BCKDHB: variants seen among roughly 807,000 people sequenced by gnomAD.
BCKDHB encodes the protein branched chain keto acid dehydrogenase E1 subunit beta, also known as 2-oxoisovalerate dehydrogenase subunit beta, mitochondrial.
A neutral mutation model predicts 48.5 loss-of-function variants in BCKDHB; 41 were observed. The observed-to-expected ratio is 0.85, with a 90% confidence interval of 0.66 to 1.10. BCKDHB has a LOEUF of 1.10. Among genes scored for constraint, BCKDHB ranks in the 50% least tolerant of loss-of-function variants. The pLI, the probability that BCKDHB is intolerant of heterozygous loss-of-function variation, is 0.00. For synonymous variants in BCKDHB, 201 were observed against 174.8 expected (o/e 1.15, Z -1.18); for missense variants, 496 against 494.2 (o/e 1.00, Z -0.03).
At chr6:80,286,178 A>G (rs73748778) in intron 9 of BCKDHB, among the ~76,000 whole-genome samples, 9,384 of 152,254 alleles carry the variant, frequency 0.062, 968 homozygotes, top group African/African-American at 0.21. Context: ...CGATCAGCAC[A>G]ATACATAATT....
intron 8 of BCKDHB, among the ~76,000 whole-genome samples, chr6:80,217,022 C>A (rs1423915548): frequency 6.6e-6 from 1 of 152,036 alleles, no homozygotes; most frequent in Non-Finnish European, 1.5e-5. Flanking sequence ...GCGGGTGGAT[C>A]ACTTGAGGTC....
the BCKDHB span, among the ~76,000 whole-genome samples, chr6:80,375,893 G>A: frequency 6.6e-6 from 1 of 152,184 alleles, no homozygotes; most frequent in African/African-American, 2.4e-5. Context: ...GGCTTCCTGA[G>A]AATTGGTTGT....
intron 6 of BCKDHB, among the ~76,000 whole-genome samples, chr6:80,194,088 C>T (rs1222886105): frequency 1.3e-5 from 2 of 152,134 alleles, no homozygotes; most frequent in Non-Finnish European, 2.9e-5. Context: ...TCAGGCCTTG[C>T]ATTAAGCCCA....
chr6:80,369,989 A>T, the BCKDHB span, among the ~76,000 whole-genome samples: 576 of 152,328 alleles, frequency 3.8e-3, 7 homozygotes, highest in African/African-American at 0.013. Flanking sequence ...TTTAAACATC[A>T]TTTACACTTC....
chr6:80,186,922 T>A (rs1225197840), intron 6 of BCKDHB, among the ~76,000 whole-genome samples: 1 of 152,232 alleles, frequency 6.6e-6, no homozygotes, highest in African/African-American at 2.4e-5. Flanking sequence ...AGAGGCAGAC[T>A]TTTCCCCCAC....
At chr6:80,193,743 C>A (rs960187252) in intron 6 of BCKDHB, among the ~76,000 whole-genome samples, 3 of 150,838 alleles carry the variant, frequency 2.0e-5, no homozygotes, top group Admixed American at 2.0e-4. Context: ...AAAAAAGTCT[C>A]CTGGTTACAT....
At chr6:80,187,909 A>G (rs1023778966) in intron 6 of BCKDHB, among the ~76,000 whole-genome samples, 5 of 152,198 alleles carry the variant, frequency 3.3e-5, no homozygotes, top group African/African-American at 1.2e-4. Flanking sequence ...CATTGTGGAA[A>G]GCAGTTTTGT....
intron 8 of BCKDHB, among the ~76,000 whole-genome samples, chr6:80,232,349 A>T (rs1256195077): frequency 6.6e-6 from 1 of 151,746 alleles, no homozygotes; most frequent in African/African-American, 2.4e-5. Flanking sequence ...CAACCATAGA[A>T]CTGTTAACAG....
intron 1 of BCKDHB, among the ~76,000 whole-genome samples, chr6:80,114,877 T>G (rs1467004386): frequency 6.6e-6 from 1 of 152,142 alleles, no homozygotes; most frequent in Non-Finnish European, 1.5e-5. Flanking sequence ...TTAAAACCAC[T>G]TAGAGATTGA....
intron 8 of BCKDHB, among the ~76,000 whole-genome samples, chr6:80,214,925 T>C (rs1775100676): frequency 1.3e-5 from 2 of 152,212 alleles, no homozygotes; most frequent in Admixed American, 1.3e-4. Flanking sequence ...CGTACAAGGA[T>C]ATATGGGTTT....
chr6:80,177,225 C>CAAAA (rs575991853), intron 6 of BCKDHB, among the ~76,000 whole-genome samples: 7 of 43,162 alleles, frequency 1.6e-4, no homozygotes, highest in East Asian at 6.2e-4. Flanking sequence ...GACCTTGTCT[C>CAAAA]AAAAAAAAAA....
At chr6:80,168,240 G>A (rs1268882484) in intron 4 of BCKDHB, among the ~76,000 whole-genome samples, 1 of 151,812 alleles carries the variant, frequency 6.6e-6, no homozygotes, top group African/African-American at 2.4e-5. Context: ...AACTGTGATC[G>A]CAGCACTGCA....
intron 9 of BCKDHB, among the ~76,000 whole-genome samples, chr6:80,302,956 A>G (rs898533431): frequency 3.3e-5 from 5 of 152,152 alleles, no homozygotes; most frequent in African/African-American, 1.2e-4. Flanking sequence ...AGATTCACAA[A>G]TGTTAGTGTT....
At chr6:80,141,530 T>C (rs188311409) in intron 3 of BCKDHB, among the ~76,000 whole-genome samples, 119 of 152,238 alleles carry the variant, frequency 7.8e-4, no homozygotes, top group Non-Finnish European at 7.4e-5. Context: ...CTTTGACATT[T>C]TAAGTATCAG....
chr6:80,164,703 A>G (rs1265757494), intron 3 of BCKDHB, among the ~76,000 whole-genome samples: 2 of 152,246 alleles, frequency 1.3e-5, no homozygotes, highest in Admixed American at 6.5e-5. Flanking sequence ...TCTATTACAC[A>G]TAAGAAATGG....
At chr6:80,134,652 A>G (rs939204398) in intron 3 of BCKDHB, among the ~76,000 whole-genome samples, 3 of 152,014 alleles carry the variant, frequency 2.0e-5, no homozygotes, top group Non-Finnish European at 4.4e-5. Flanking sequence ...TTTTTTGAAT[A>G]TAGTTGTTAT....
At chr6:80,168,615 AGGAGGGAG>A (rs1301178571) in intron 4 of BCKDHB, among the ~76,000 whole-genome samples, 2 of 61,480 alleles carry the variant, frequency 3.3e-5, no homozygotes, top group South Asian at 6.9e-4. Context: ...AAAGGAAGGA[AGGAGGGAG>A]GGAGGGAGGG....
At chr6:80,434,808 C>T in the BCKDHB span, among the ~76,000 whole-genome samples, 2 of 152,174 alleles carry the variant, frequency 1.3e-5, no homozygotes, top group Non-Finnish European at 2.9e-5. Flanking sequence ...ATGCCCAGCT[C>T]TATTTGAGCT....
chr6:80,279,329 A>G (rs1328159344), intron 9 of BCKDHB, among the ~76,000 whole-genome samples: 1 of 151,526 alleles, frequency 6.6e-6, no homozygotes, highest in Non-Finnish European at 1.5e-5. Flanking sequence ...AATTTTTTGT[A>G]TTTCTAGTAG....
Sources: allele counts gnomAD v4.1 joint callset (sites outside exome capture counted in the v4.1 genomes callset), GRCh38; gene constraint gnomAD v4.1.1; transcripts MANE v1.5; gene names NCBI Gene and HGNC (gene_info 2026-07-23, HGNC 2026-07-21).